Variants in CNOT7 observed in about 807,000 individuals in gnomAD.
The protein encoded by CNOT7 is CCR4-NOT transcription complex subunit 7.
CNOT7 carries 4 observed loss-of-function variants against 37.1 expected under a neutral mutation model. The ratio of observed to expected loss-of-function variants is 0.11; its 90% CI spans 0.05 to 0.25. The LOEUF (loss-of-function observed/expected upper bound fraction) is 0.25. Among genes scored for constraint, CNOT7 ranks in the 10% least tolerant of loss-of-function variants. The pLI, the probability that CNOT7 is intolerant of heterozygous loss-of-function variation, is 1.00. For missense variants in CNOT7, 170 were observed against 336.2 expected (o/e 0.51, Z 3.87); for synonymous variants, 128 against 115.6 (o/e 1.11, Z -0.69).
At chr8:17,244,941 C>T (rs1810694978) in intron 2 of CNOT7, 95 bp downstream of exon 2, 1 of 1,047,318 alleles carries the variant, frequency 9.5e-7, no homozygotes, top group Middle Eastern at 2.1e-4. Flanking sequence ...AAATTAATCC[C>T]TAAAAATATC....
At chr8:17,237,939 T>C (rs1809604235) in intron 3 of CNOT7, among the ~76,000 whole-genome samples, 1 of 152,242 alleles carries the variant, frequency 6.6e-6, no homozygotes, top group Non-Finnish European at 1.5e-5. Flanking sequence ...TAAGCAACAC[T>C]GTATAAAGGA....
At chr8:17,241,052 A>C (rs187605073) in intron 3 of CNOT7, among the ~76,000 whole-genome samples, 22 of 152,210 alleles carry the variant, frequency 1.4e-4, no homozygotes, top group Admixed American at 2.0e-4. Flanking sequence ...GGTTCTGTAG[A>C]CTGTGCGTGT....
At position 17,226,732 on chromosome 8, in the gene CNOT7, CTTAAGT is replaced by C. The variant is rs945855362; in HGVS notation, c.*3982_*3987del. 1 of 151,698 alleles carries C rather than the reference CTTAAGT, an allele frequency of 6.6e-6. No individual in the cohort carries two copies. The highest frequency in any genetic ancestry group is 2.4e-5 in the African/African-American group (1 of 41,370). 9.4% of individuals were successfully genotyped at this position (151,698 alleles called of 1,614,324 possible). Reference sequence around the variant, plus strand: ...AAAGTATATAAAGCAGCTTGACAATCTTAAGTTTTAGTTTTTATTGAAATGAATTTA... The same window carrying C: ...AAAGTATATAAAGCAGCTTGACAATCTTTAGTTTTTATTGAAATGAATTTA... On this transcript the variant is annotated 3_prime_UTR_variant, in exon 7 of 7. Transcript: ENST00000361272.
At chr8:17,246,112 CAT>C (rs1417829715) in intron 1 of CNOT7, 2 of 152,250 alleles carry the variant, frequency 1.3e-5, no homozygotes, top group Non-Finnish European at 2.9e-5. Context: ...CACACACACA[CAT>C]AAGCACAAAA....
intron 3 of CNOT7, among the ~76,000 whole-genome samples, chr8:17,238,772 A>G (rs1446948271): frequency 6.6e-6 from 1 of 152,234 alleles, no homozygotes; most frequent in African/African-American, 2.4e-5. Context: ...TACTTGCAGC[A>G]TATGGCTTCA....
In CNOT7 at chr8:17,232,218, T is replaced by C. The variant is rs373274033; in HGVS notation, c.729+209A>G. ...TTATGTTTTAAAATTGTTGGTTCTATGATGAACATGTTCTCCCAGTTCCTT... is the reference window on the plus strand; with the variant it reads ...TTATGTTTTAAAATTGTTGGTTCTACGATGAACATGTTCTCCCAGTTCCTT... On this transcript the variant is annotated intron_variant, in intron 6 of 6. Transcript: ENST00000361272. 42 of 1,397,026 alleles carry C rather than the reference T, an allele frequency of 3.0e-5. 1 individual carries two copies. The highest frequency in any genetic ancestry group is 2.7e-4 in the Middle Eastern group (1 of 3,726). 86.5% of individuals were successfully genotyped at this position (1,397,026 alleles called of 1,614,324 possible).
In CNOT7 at chr8:17,225,911, T is replaced by C. The variant is rs1808121173; in HGVS notation, c.*4809A>G. ...CATGAGATAACATATGCATTCATAATTTGATTCCACCTCAGGTTGCCTACC... is the reference window on the plus strand; with the variant it reads ...CATGAGATAACATATGCATTCATAACTTGATTCCACCTCAGGTTGCCTACC... On this transcript the variant is annotated 3_prime_UTR_variant, in exon 7 of 7. Coordinates refer to ENST00000361272, the MANE Select transcript of CNOT7 (RefSeq NM_013354.7). 6.6e-6 allele frequency: 1 copy of C among 151,596 alleles called. No individual in the cohort carries two copies. Among genetic ancestry groups the C allele is most frequent in the African/African-American group, 2.4e-5 (1 of 41,354 alleles). The allele number at this position is 151,596 out of a possible 1,614,324, so 9.4% of individuals were successfully genotyped here. A position where few individuals can be genotyped will look rare whatever the true frequency, so the allele number is the denominator to read the frequency against.
chr8:17,244,841 A>C (rs1810676845), intron 2 of CNOT7, 195 bp downstream of exon 2: 3 of 526,380 alleles, frequency 5.7e-6, no homozygotes, highest in Non-Finnish European at 1.0e-5. Context: ...CCCTCACTGC[A>C]ATGAGGGATA....
chr8:17,240,202 T>C lies in CNOT7; in HGVS notation c.311+2790A>G, dbSNP rs146466102. Among the ~76,000 whole-genome samples the C allele has an allele frequency of 1.6e-4, 25 of 152,378 alleles. No homozygotes were observed. The East Asian group carries it at 4.8e-3, about 29-fold the overall frequency. ...CTTCCAAATGACTTCTTCTACCTAA[T>C]GTTTTTCACTGTATCCTTCTCCTTA... On this transcript the variant is annotated intron_variant, in intron 3 of 6. Coordinates refer to ENST00000361272, the MANE Select transcript of CNOT7 (RefSeq NM_013354.7).
rs1808172468 is a variant in CNOT7, at chr8:17,226,535, T to G, written c.*4185A>C. On this transcript the variant is annotated 3_prime_UTR_variant, in exon 7 of 7. Coordinates refer to ENST00000361272, the MANE Select transcript of CNOT7 (RefSeq NM_013354.7). Reference sequence around the variant, plus strand: ...TGTCATTCATTCAAGATGATTCATTTCCAACAGAAGATTAAGAGGAAACTT... The same window carrying G: ...TGTCATTCATTCAAGATGATTCATTGCCAACAGAAGATTAAGAGGAAACTT... 1 of 151,744 alleles carries G rather than the reference T, an allele frequency of 6.6e-6. No homozygotes were observed. The highest frequency in any genetic ancestry group is 1.5e-5 in the Non-Finnish European group (1 of 67,736). The allele number at this position is 151,744 out of a possible 1,614,324, so 9.4% of individuals were successfully genotyped here. A position where few individuals can be genotyped will look rare whatever the true frequency, so the allele number is the denominator to read the frequency against.
At position 17,245,223 on chromosome 8, in the gene CNOT7, A is replaced by T; in HGVS notation, c.-71T>A. ...ACTTGATTGAAGATTTGTTTCATAAAATATTTTATCCTTTATTTATGTACC... is the reference window on the plus strand; with the variant it reads ...ACTTGATTGAAGATTTGTTTCATAATATATTTTATCCTTTATTTATGTACC... On this transcript the variant is annotated 5_prime_UTR_variant, in exon 2 of 7. Transcript: ENST00000361272. The T allele has an allele frequency of 6.8e-7, 1 of 1,474,636 alleles. No homozygotes were observed. Among genetic ancestry groups the T allele is most frequent in the Non-Finnish European group, 9.1e-7 (1 of 1,103,928 alleles). The allele number at this position is 1,474,636 out of a possible 1,614,324, so 91.3% of individuals were successfully genotyped here.
At chr8:17,239,888 C>G (rs577556757) in intron 3 of CNOT7, among the ~76,000 whole-genome samples, 2 of 152,342 alleles carry the variant, frequency 1.3e-5, no homozygotes, top group East Asian at 1.9e-4. Context: ...CATCAGTACT[C>G]CACTTCAATT....
At chr8:17,241,413 C>G (rs1810146233) in intron 3 of CNOT7, 1 of 151,774 alleles carries the variant, frequency 6.6e-6, no homozygotes, top group Non-Finnish European at 1.5e-5. Flanking sequence ...AATGGAGAGT[C>G]AGGCTAAACA....
intron 3 of CNOT7, among the ~76,000 whole-genome samples, chr8:17,237,893 C>G (rs1296115906): frequency 2.0e-5 from 3 of 152,220 alleles, no homozygotes; most frequent in African/African-American, 7.2e-5. Flanking sequence ...GAAGGAGATG[C>G]CTCCTTTCAC....
chr8:17,230,539 TTTC>T lies in CNOT7; in HGVS notation c.*178_*180del, dbSNP rs1302344477. 2.0e-5 allele frequency: 8 copies of T among 399,516 alleles called. No individual in the cohort carries two copies. The Admixed American group carries it at 3.6e-4, about 18-fold the overall frequency. The allele number at this position is 399,516 out of a possible 1,614,324, so 24.7% of individuals were successfully genotyped here. ...AATTTAACCTGAATGCGTTTTTTTTTTTCTTTTTATTAAGATCTGAGATAGGAA... is the reference window on the plus strand; with the variant it reads ...AATTTAACCTGAATGCGTTTTTTTTTTTTTTATTAAGATCTGAGATAGGAA... On this transcript the variant is annotated 3_prime_UTR_variant, in exon 7 of 7. Transcript: ENST00000361272.
intron 3 of CNOT7, 72 bp from the exon 4 acceptor site, chr8:17,237,445 C>G: frequency 7.1e-7 from 1 of 1,404,792 alleles, no homozygotes; most frequent in Non-Finnish European, 1.0e-6. Context: ...CTGCTTACAT[C>G]TATAACTACA....
At chr8:17,245,887 AAC>A (rs1440866199) in intron 1 of CNOT7, 2 of 152,180 alleles carry the variant, frequency 1.3e-5, no homozygotes, top group Non-Finnish European at 2.9e-5. Context: ...CTGGTCTATA[AAC>A]AGAGTTCCTG....
chr8:17,236,086 G>A (rs1809319786), intron 4 of CNOT7, among the ~76,000 whole-genome samples: 1 of 152,148 alleles, frequency 6.6e-6, no homozygotes, highest in Admixed American at 6.5e-5. Context: ...GTTTCCTAAG[G>A]TACAAGTTCA....
At chr8:17,237,432 C>G (rs1020736234) in intron 3 of CNOT7, 59 bp from the exon 4 acceptor site, 49 of 1,504,150 alleles carry the variant, frequency 3.3e-5, no homozygotes, top group Non-Finnish European at 4.4e-5. Context: ...ACAAGCTGTT[C>G]TTCTGCTTAC....
Sources: gnomAD v4.1 joint callset for allele counts (sites outside exome capture counted in the v4.1 genomes callset) on GRCh38, gnomAD v4.1.1 for gene constraint, MANE v1.5 for transcripts, NCBI Gene and HGNC (gene_info 2026-07-23, HGNC 2026-07-21) for gene names.